PRKCQ: variants seen among roughly 807,000 people sequenced by gnomAD.
PRKCQ encodes the protein protein kinase C theta type.
Under a neutral mutation model 91.2 loss-of-function variants are expected in PRKCQ, and 41 were observed. The observed-to-expected ratio is 0.45, with a 90% CI of 0.35 to 0.58. PRKCQ has a LOEUF of 0.58. Ranked by LOEUF, PRKCQ falls within the 20% of genes least tolerant of loss-of-function variation. The pLI is 0.00. For missense variants in PRKCQ, 673 were observed against 896.5 expected (o/e 0.75, Z 3.18); for synonymous variants, 307 against 316.9 (o/e 0.97, Z 0.33).
At chr10:6,471,765 A>ACAAG (rs1835982740) in intron 12 of PRKCQ, among the ~76,000 whole-genome samples, 1 of 152,020 alleles carries the variant, frequency 6.6e-6, no homozygotes, top group Non-Finnish European at 1.5e-5. Context: ...AAACAAACAA[A>ACAAG]CACAACAATG....
At chr10:6,574,118 A>G (rs1225429193) in intron 1 of PRKCQ, among the ~76,000 whole-genome samples, 1 of 152,200 alleles carries the variant, frequency 6.6e-6, no homozygotes, top group East Asian at 1.9e-4. Context: ...CCCGTAAAAA[A>G]AAATGCAAAG....
At chr10:6,398,715 G>A in the PRKCQ span, among the ~76,000 whole-genome samples, 5 of 152,006 alleles carry the variant, frequency 3.3e-5, no homozygotes, top group East Asian at 1.9e-4. Context: ...AGCAAGGAAC[G>A]AGTCACAATT....
intron 1 of PRKCQ, among the ~76,000 whole-genome samples, chr10:6,530,511 C>G (rs1839353750): frequency 6.6e-6 from 1 of 152,246 alleles, no homozygotes; most frequent in Non-Finnish European, 1.5e-5. Flanking sequence ...TGTGCCGGCT[C>G]TGCCCGGCAA....
At chr10:6,456,635 G>A in intron 15 of PRKCQ, 39 bp downstream of exon 15, 1 of 1,610,370 alleles carries the variant, frequency 6.2e-7, no homozygotes, top group Non-Finnish European at 8.5e-7. Flanking sequence ...TGTGGCCAGG[G>A]CATGGTGAGG....
intron 1 of PRKCQ, among the ~76,000 whole-genome samples, chr10:6,559,401 C>T (rs774944234): frequency 9.9e-5 from 15 of 152,156 alleles, no homozygotes; most frequent in Non-Finnish European, 1.9e-4. Context: ...CGCTCTGCCA[C>T]CCAGGCTGGA....
chr10:6,531,075 T>G (rs555462825), intron 1 of PRKCQ, among the ~76,000 whole-genome samples: 1 of 152,238 alleles, frequency 6.6e-6, no homozygotes, highest in East Asian at 1.9e-4. Flanking sequence ...GAGATGGTCC[T>G]GGAGAAACAG....
chr10:6,448,689 G>T (rs999781834), intron 15 of PRKCQ, among the ~76,000 whole-genome samples: 13 of 152,150 alleles, frequency 8.5e-5, no homozygotes, highest in Non-Finnish European at 1.5e-4. Flanking sequence ...TTACAGGTGT[G>T]AGCCACTGCA....
At chr10:6,527,421 C>T (rs1839238605) in intron 1 of PRKCQ, among the ~76,000 whole-genome samples, 1 of 152,106 alleles carries the variant, frequency 6.6e-6, no homozygotes, top group Admixed American at 6.5e-5. Context: ...CGAGCAGTTG[C>T]TAATCATGGT....
intron 11 of PRKCQ, among the ~76,000 whole-genome samples, chr10:6,482,156 TG>T: frequency 6.6e-6 from 1 of 152,154 alleles, no homozygotes; most frequent in Non-Finnish European, 1.5e-5. Context: ...AGTTTTCTTA[TG>T]GGCTGAATTG....
intron 4 of PRKCQ, among the ~76,000 whole-genome samples, chr10:6,499,786 G>A (rs112499850): frequency 5.9e-5 from 9 of 152,238 alleles, no homozygotes; most frequent in South Asian, 2.1e-4. Flanking sequence ...CTGACAATGC[G>A]TTTGGGGCAA....
At chr10:6,394,373 A>G in the PRKCQ span, among the ~76,000 whole-genome samples, 1 of 152,222 alleles carries the variant, frequency 6.6e-6, no homozygotes, top group African/African-American at 2.4e-5. Flanking sequence ...AGGTTCTTGA[A>G]CTAGGTCAGT....
At chr10:6,564,776 A>G (rs531272336) in intron 1 of PRKCQ, among the ~76,000 whole-genome samples, 2 of 152,296 alleles carry the variant, frequency 1.3e-5, no homozygotes, top group Admixed American at 6.5e-5. Context: ...ATAGCAATTG[A>G]TATCTTCAAA....
the PRKCQ span, among the ~76,000 whole-genome samples, chr10:6,420,930 T>C: frequency 6.6e-6 from 1 of 152,204 alleles, no homozygotes; most frequent in Non-Finnish European, 1.5e-5. Flanking sequence ...TGAAAACCTA[T>C]GTATTTCAGT....
chr10:6,502,987 T>C (rs1838000620), intron 4 of PRKCQ, among the ~76,000 whole-genome samples: 1 of 152,186 alleles, frequency 6.6e-6, no homozygotes, highest in East Asian at 1.9e-4. Context: ...AGGAATGTCA[T>C]CTAATACCAT....
At chr10:6,413,198 C>T in the PRKCQ span, among the ~76,000 whole-genome samples, 49,538 of 151,998 alleles carry the variant, frequency 0.33, 8,563 homozygotes, top group African/African-American at 0.44. Context: ...GTGATCAGCC[C>T]GCCTAGGCCT....
Position 6,479,123 on chromosome 10 carries a change from T to C in PRKCQ, c.1222A>G (p.Ile408Val), listed in dbSNP as rs1219272209. 20 of 1,613,994 alleles carry C rather than the reference T, an allele frequency of 1.2e-5. No individual in the cohort carries two copies. The highest frequency in any genetic ancestry group is 1.7e-5 in the Admixed American group (1 of 59,978). The change falls in exon 12 of 18, where the codon ATA becomes GTA. Residue 408 changes from isoleucine to valine, a missense_variant. Transcript: ENST00000263125. ...EFKKTNQFFA[I>V]KALKKDVVLM... The stretch of plus-strand genomic sequence containing the variant: ...ACCACATCTTTCTTTAAGGCCTTTA[T>C]TGCGAAAAATTGATTGGTTTTCTTG...
intron 7 of PRKCQ, 131 bp from the exon 8 acceptor site, chr10:6,491,943 A>G: frequency 7.6e-7 from 1 of 1,321,454 alleles, no homozygotes; most frequent in East Asian, 2.3e-5. Context: ...TTAAACCATC[A>G]TTGTCACTTG....
chr10:6,477,636 G>C (rs987963158), intron 12 of PRKCQ, among the ~76,000 whole-genome samples: 5 of 152,208 alleles, frequency 3.3e-5, no homozygotes, highest in African/African-American at 1.2e-4. Flanking sequence ...GGGAGGCTGA[G>C]GGGGGTGGAT....
intron 1 of PRKCQ, among the ~76,000 whole-genome samples, chr10:6,550,997 T>A (rs1195614020): frequency 6.6e-6 from 1 of 152,066 alleles, no homozygotes; most frequent in African/African-American, 2.4e-5. Context: ...GCATCTTCTC[T>A]TTTTTTTAAA....
Sources: gnomAD v4.1 joint callset for allele counts (sites outside exome capture counted in the v4.1 genomes callset) on GRCh38, gnomAD v4.1.1 for gene constraint, MANE v1.5 for transcripts, NCBI Gene and HGNC (gene_info 2026-07-23, HGNC 2026-07-21) for gene names.